PDILT: variants seen among roughly 807,000 people sequenced by gnomAD.
The protein encoded by PDILT is protein disulfide-isomerase-like protein of the testis.
PDILT carries 43 observed loss-of-function variants against 53.7 expected under a neutral mutation model. The ratio of observed to expected loss-of-function variants is 0.80; its 90% confidence interval spans 0.63 to 1.03. The LOEUF is 1.03. Among genes scored for constraint, PDILT ranks in the 50% least tolerant of loss-of-function variants. The probability of loss-of-function intolerance (pLI) is 0.00; values close to 1 mark genes in which losing one functional copy is unlikely to be tolerated. For missense variants in PDILT, 727 were observed against 712.3 expected, an observed-to-expected ratio of 1.02 and a Z score of -0.24; for synonymous variants, 282 against 274.2, an observed-to-expected ratio of 1.03 and a Z score of -0.28.
At chr16:20,380,949 C>A (rs1022317111) in intron 3 of PDILT, among the ~76,000 whole-genome samples, 1 of 152,198 alleles carries the variant, frequency 6.6e-6, no homozygotes, top group Non-Finnish European at 1.5e-5. Flanking sequence ...AGGCACTGCC[C>A]TTGTCAGGGA....
At position 20,369,602 on chromosome 16, in the gene PDILT, C is replaced by T. The variant is rs767670575; in HGVS notation, c.1006G>A (p.Val336Ile). 42 of 1,614,060 alleles carry T rather than the reference C, an allele frequency of 2.6e-5. No homozygotes were observed. The highest frequency in any genetic ancestry group is 1.5e-4 in the South Asian group (14 of 91,084). ...TCAGAGCTCAAGTTTAGGATTTGGA[C>T]GGATGGGATATCGACCTCTGTGACC... is the stretch of plus-strand genomic sequence containing the variant. ...FRVTEVDIPS[V>I]QILNLSSDAR... Residue 336 changes from valine to isoleucine, a missense_variant, in exon 8 of 12, where the codon GTC becomes ATC. Transcript: ENST00000302451.
chr16:20,359,296 CT>C lies in PDILT; in HGVS notation c.*22del. On this transcript the variant is annotated 3_prime_UTR_variant, in exon 12 of 12. Transcript: ENST00000302451. ...ATGCCAGGATCTGGAAAATAAGCAT[CT>C]TTTTTCCTGGTATTGGAGAAGCTAA... is the stretch of plus-strand genomic sequence containing the variant. The C allele has an allele frequency of 6.2e-7, 1 of 1,602,250 alleles. No homozygotes were observed.
intron 2 of PDILT, among the ~76,000 whole-genome samples, chr16:20,393,467 G>A (rs578099426): frequency 1.3e-5 from 2 of 152,296 alleles, no homozygotes; most frequent in Admixed American, 6.5e-5. Flanking sequence ...AGGCAAAAAT[G>A]ACCCAATTGG....
At chr16:20,381,568 G>A (rs113009812) in intron 3 of PDILT, among the ~76,000 whole-genome samples, 20,038 of 150,486 alleles carry the variant, frequency 0.13, 1,666 homozygotes, top group African/African-American at 0.23. Flanking sequence ...CCCGGGAGGC[G>A]GAGGTTGCAG....
rs746451234 is a variant in PDILT, at chr16:20,359,590, A to T, written c.1507-23T>A. 25 of 1,600,320 alleles carry T rather than the reference A, an allele frequency of 1.6e-5. No homozygotes were observed. The South Asian group carries it at 2.8e-4, about 18-fold the overall frequency. On this transcript the variant is annotated intron_variant, in intron 11 of 11. Coordinates refer to ENST00000302451, the MANE Select transcript of PDILT (RefSeq NM_174924.2). ...CAGCTATGAAAGCAAAGGTGGAAGG[A>T]AGAAGGGAGGGAGGGAAGAAAGGGA... is the stretch of plus-strand genomic sequence containing the variant.
chr16:20,370,437 A>G (rs1966288507), intron 7 of PDILT, among the ~76,000 whole-genome samples: 1 of 152,208 alleles, frequency 6.6e-6, no homozygotes, highest in African/African-American at 2.4e-5. Flanking sequence ...GGAGAACCTG[A>G]GGAGGTCACA....
chr16:20,400,044 ATC>A (rs1212861808), intron 1 of PDILT, among the ~76,000 whole-genome samples: 2,956 of 127,506 alleles, frequency 0.023, 48 homozygotes, highest in African/African-American at 0.053. Flanking sequence ...CTATCTATCT[ATC>A]TATCTATCTA....
chr16:20,403,494 T>G (rs150303345), intron 1 of PDILT, among the ~76,000 whole-genome samples: 1,629 of 152,276 alleles, frequency 0.011, 33 homozygotes, highest in African/African-American at 0.038. Context: ...TTCACCATGT[T>G]GGCCAGGCTG....
intron 8 of PDILT, among the ~76,000 whole-genome samples, chr16:20,367,073 TTCTTTC>T (rs1185684092): frequency 8.1e-5 from 11 of 136,014 alleles, no homozygotes; most frequent in African/African-American, 2.9e-4. Flanking sequence ...CTTTCTTTCT[TTCTTTC>T]TTTCTTTCTT....
chr16:20,387,362 T>G (rs1468209004), intron 2 of PDILT, among the ~76,000 whole-genome samples: 1 of 152,282 alleles, frequency 6.6e-6, no homozygotes, highest in East Asian at 1.9e-4. Flanking sequence ...GCGCAAGCCA[T>G]GTAGACATCT....
At chr16:20,400,067 T>C (rs1966715312) in intron 1 of PDILT, among the ~76,000 whole-genome samples, 1 of 144,072 alleles carries the variant, frequency 6.9e-6, no homozygotes, top group Non-Finnish European at 1.5e-5. Context: ...TATATATATA[T>C]ATATATTTTT....
chr16:20,377,558 T>C (rs1966404956), intron 3 of PDILT, among the ~76,000 whole-genome samples: 1 of 151,998 alleles, frequency 6.6e-6, no homozygotes. Context: ...CCAAAGGAAA[T>C]GTTTGAAATC....
At position 20,379,383 on chromosome 16, in the gene PDILT, G is replaced by A. The variant is rs574056348; in HGVS notation, c.410-3182C>T. Among the ~76,000 whole-genome samples the A allele has an allele frequency of 2.6e-5, 4 of 152,204 alleles. No individual in the cohort carries two copies. In the South Asian group the frequency reaches 8.3e-4, roughly 32 times the overall value. On this transcript the variant is annotated intron_variant, in intron 3 of 11. Transcript: ENST00000302451. Reference sequence around the variant, plus strand: ...AGACAGGGTTTCACCATGTTGGCCAGGCTGGTCTCGAACTCCAGGTGATCC... The same window carrying A: ...AGACAGGGTTTCACCATGTTGGCCAAGCTGGTCTCGAACTCCAGGTGATCC...
At chr16:20,367,124 A>C (rs1966224752) in intron 8 of PDILT, among the ~76,000 whole-genome samples, 1 of 128,088 alleles carries the variant, frequency 7.8e-6, no homozygotes. Context: ...TCCTTTTGAG[A>C]CAGAGTCTCG....
chr16:20,400,503 G>A (rs1966725889), intron 1 of PDILT, among the ~76,000 whole-genome samples: 1 of 146,634 alleles, frequency 6.8e-6, no homozygotes, highest in South Asian at 2.1e-4. Flanking sequence ...GGAGAATACT[G>A]ACACTCAATC....
intron 2 of PDILT, among the ~76,000 whole-genome samples, chr16:20,396,919 G>C (rs1462244071): frequency 6.6e-6 from 1 of 152,070 alleles, no homozygotes; most frequent in Non-Finnish European, 1.5e-5. Context: ...CTGTGACAGG[G>C]GACTGCATAT....
chr16:20,367,574 G>C (rs150179073), intron 8 of PDILT, among the ~76,000 whole-genome samples: 4 of 152,288 alleles, frequency 2.6e-5, no homozygotes, highest in South Asian at 2.1e-4. Flanking sequence ...CTTTGCGAGG[G>C]AGACGGACAC....
intron 2 of PDILT, among the ~76,000 whole-genome samples, chr16:20,393,874 C>T (rs2141619035): frequency 6.6e-6 from 1 of 152,324 alleles, no homozygotes; most frequent in African/African-American, 2.4e-5. Flanking sequence ...GCCAGAGCTT[C>T]CAGGTCTTCT....
Position 20,365,506 on chromosome 16 carries a change from C to T in PDILT, c.1151G>A (p.Trp384Ter). ...GAGCTGCTTAACCAGTCCCTGGTCC[C>T]AGTATTTTGGAATCTCTTCACTGGA... ...HQSSEEIPKYWDQGLVKQLVG... is the reference protein window; with the variant it reads ...HQSSEEIPKY Residue 384 changes from tryptophan to a stop codon, truncating the protein, a stop_gained, in exon 9 of 12, where the codon TGG (tryptophan) becomes TAG (stop). Transcript: ENST00000302451. LOFTEE classifies it high-confidence loss of function. 1 of 1,614,060 alleles carries T rather than the reference C, an allele frequency of 6.2e-7. No individual in the cohort carries two copies. Among genetic ancestry groups the T allele is most frequent in the Non-Finnish European group, 8.5e-7 (1 of 1,179,912 alleles).
Sources: gnomAD v4.1 joint callset for allele counts (sites outside exome capture counted in the v4.1 genomes callset) on GRCh38, gnomAD v4.1.1 for gene constraint, MANE v1.5 for transcripts, NCBI Gene and HGNC (gene_info 2026-07-23, HGNC 2026-07-21) for gene names.